The following CD207 variants were observed in gnomAD, a reference collection of about 807,000 sequenced individuals.
CD207 encodes the protein CD207 molecule.
In CD207, 28 loss-of-function variants were observed where a neutral mutation model predicts 31.6. That is an observed-to-expected ratio of 0.89 (90% CI 0.66 to 1.21). The LOEUF is 1.21. Among genes scored for constraint, CD207 ranks in the 50% most tolerant of loss-of-function variants. The pLI is 0.00. For missense variants in CD207, 388 were observed against 397.8 expected, an observed-to-expected ratio of 0.98 and a Z score of 0.21; for synonymous variants, 168 against 153.9, an observed-to-expected ratio of 1.09 and a Z score of -0.68.
chr2:70,824,497 A>G, the CD207 span, among the ~76,000 whole-genome samples: 2 of 152,032 alleles, frequency 1.3e-5, no homozygotes, highest in African/African-American at 4.8e-5. Flanking sequence ...TTCTAACACC[A>G]TTCTCCAAAA....
At chr2:70,833,127 T>C in intron 3 of CD207, 76 bp from the exon 4 acceptor site, 1 of 1,449,498 alleles carries the variant, frequency 6.9e-7, no homozygotes, top group South Asian at 1.2e-5. Context: ...GGCACTTGAA[T>C]GAGGTCTCAG....
Position 70,830,758 on chromosome 2 carries a change from G to A in CD207, c.*292C>T, listed in dbSNP as rs1677445109. On this transcript the variant is annotated 3_prime_UTR_variant, in exon 6 of 6. Coordinates refer to ENST00000410009, the MANE Select transcript of CD207 (RefSeq NM_015717.5). Reference sequence around the variant, plus strand: ...CTGAAAGAGTGGAAAACCCCAGGGTGTTATGCCGGATTACGGGTCTTGATC... The same window carrying A: ...CTGAAAGAGTGGAAAACCCCAGGGTATTATGCCGGATTACGGGTCTTGATC... 7.0e-6 allele frequency: 2 copies of A among 284,502 alleles called. No individual in the cohort carries two copies. 17.6% of individuals were successfully genotyped at this position (284,502 alleles called of 1,614,324 possible).
chr2:70,833,683 G>T lies in CD207; in HGVS notation c.528C>A (p.Gly176=). 1 of 1,613,760 alleles carries T rather than the reference G, an allele frequency of 6.2e-7. No homozygotes were observed. The highest frequency in any genetic ancestry group is 8.5e-7 in the Non-Finnish European group (1 of 1,179,750). Residue 176 remains glycine (G), a synonymous_variant, in exon 3 of 6, where the codon GGC becomes GGA. Coordinates refer to ENST00000410009, the MANE Select transcript of CD207 (RefSeq NM_015717.5). ...GCAACTTGCTCATATTCTCCAAGCT[G>T]CCCTGGAGTGCCCGGATCTTTGTAT... The part of the protein sequence containing the change: ...ALNTKIRALQ[G]SLENMSKLLK...
rs973709836 is a variant in CD207 at position 70,835,440 on chromosome 2, G to A, written c.190+51C>T. 3.9e-5 allele frequency: 52 copies of A among 1,330,930 alleles called. No individual in the cohort carries two copies. In the Middle Eastern group the frequency reaches 9.9e-4, roughly 25 times the overall value. 82.4% of individuals were successfully genotyped at this position (1,330,930 alleles called of 1,614,324 possible). A position where few individuals can be genotyped will look rare whatever the true frequency, so the allele number is the denominator to read the frequency against. ...AAGTGGTCTCGATCTGAAGGGAGCC[G>A]GCTGGCCACAGAGAGGGGCTAAGCC... On this transcript the variant is annotated intron_variant, in intron 2 of 5. Coordinates refer to ENST00000410009, the MANE Select transcript of CD207 (RefSeq NM_015717.5).
downstream of CD207, among the ~76,000 whole-genome samples, chr2:70,828,339 GC>G (rs1315872180): frequency 4.6e-5 from 7 of 151,964 alleles, no homozygotes; most frequent in Admixed American, 2.6e-4. Context: ...ACAAGACAAA[GC>G]AAAGCGACAG....
rs1553400076 is a variant in CD207 at position 70,832,905 on chromosome 2, C to T, written c.712G>A (p.Glu238Lys). The T allele has an allele frequency of 6.2e-7, 1 of 1,613,180 alleles. No individual in the cohort carries two copies. The highest frequency in any genetic ancestry group is 1.3e-5 in the African/African-American group (1 of 75,052). Residue 238 changes from glutamate to lysine, a missense_variant, in exon 4 of 6, where the codon GAG becomes AAG. By Grantham distance (56) the Glu-to-Lys change is moderately conservative. Coordinates refer to ENST00000410009, the MANE Select transcript of CD207 (RefSeq NM_015717.5). ...SHLTSVTSES[E>K]QEFLYKTAGG... Reference sequence around the variant, plus strand: ...CCCATAGGCACAGCACTCACCTGCTCACTCTCTGAGGTCACCGAGGTCAGG... The same window carrying T: ...CCCATAGGCACAGCACTCACCTGCTTACTCTCTGAGGTCACCGAGGTCAGG...
intron 4 of CD207, among the ~76,000 whole-genome samples, chr2:70,832,265 G>A (rs148019813): frequency 4.6e-5 from 7 of 152,332 alleles, no homozygotes; most frequent in African/African-American, 1.7e-4. Context: ...AGTTTGCCCA[G>A]TGAAGTTGGG....
At chr2:70,829,634 T>C (rs1237423104), downstream of CD207, among the ~76,000 whole-genome samples, 1 of 152,194 alleles carries the variant, frequency 6.6e-6, no homozygotes, top group Non-Finnish European at 1.5e-5. Context: ...GTTAGGTCTT[T>C]GGGGCCCTGT....
Position 70,832,930 on chromosome 2 carries a change from G to T in CD207, c.687C>A (p.His229Gln). 1.9e-6 allele frequency: 3 copies of T among 1,613,974 alleles called. No homozygotes were observed. Among genetic ancestry groups the T allele is most frequent in the Non-Finnish European group, 2.5e-6 (3 of 1,179,846 alleles). ...CACTCTCTGAGGTCACCGAGGTCAG[G>T]TGTGAATTCCTGGACACACAGAACT... Reference protein sequence around the residue: ...AEQFCVSRNSHLTSVTSESEQ... With the variant: ...AEQFCVSRNSQLTSVTSESEQ... The change falls in exon 4 of 6, where the codon CAC (histidine) becomes CAA (glutamine). Residue 229 changes from histidine to glutamine, a missense_variant. Transcript: ENST00000410009.
downstream of CD207, among the ~76,000 whole-genome samples, chr2:70,826,345 T>C (rs1266618822): frequency 6.6e-6 from 1 of 150,432 alleles, no homozygotes; most frequent in Non-Finnish European, 1.5e-5. Context: ...CTGGGTCACA[T>C]GACTGCACTT....
intron 3 of CD207, 57 bp from the exon 4 acceptor site, chr2:70,833,108 C>A: frequency 6.4e-7 from 1 of 1,574,754 alleles, no homozygotes. Context: ...GGGATGCTGG[C>A]TTGGTGGGGG....
At chr2:70,832,229 A>G (rs1294634214) in intron 4 of CD207, among the ~76,000 whole-genome samples, 1 of 152,190 alleles carries the variant, frequency 6.6e-6, no homozygotes, top group Non-Finnish European at 1.5e-5. Flanking sequence ...ATCACCATGC[A>G]TGTTTCATCA....
chr2:70,831,877 C>G, intron 4 of CD207, 58 bp from the exon 5 acceptor site: 1 of 1,142,072 alleles, frequency 8.8e-7, no homozygotes, highest in South Asian at 1.2e-5. Context: ...GATCATCTGT[C>G]TCTGGGTGTT....
At chr2:70,828,055 C>A (rs1277018605), downstream of CD207, among the ~76,000 whole-genome samples, 1 of 152,220 alleles carries the variant, frequency 6.6e-6, no homozygotes, top group Non-Finnish European at 1.5e-5. Flanking sequence ...CCCAAGTTGA[C>A]TGAGAAAAAG....
At chr2:70,827,063 G>C (rs11684466), downstream of CD207, among the ~76,000 whole-genome samples, 93,052 of 151,884 alleles carry the variant, frequency 0.61, 28,882 homozygotes, top group Middle Eastern at 0.7. Context: ...CTAGACTGGA[G>C]TTCTCTTGGT....
Position 70,835,743 on chromosome 2 carries a change from A to G in CD207, c.34T>C (p.Phe12Leu). Reference sequence around the variant, plus strand: ...GAGATGTTCTGTTTGTCCACAGTGAAGTGCGCATCAGGGGCCTCCTTCTCC... The same window carrying G: ...GAGATGTTCTGTTTGTCCACAGTGAGGTGCGCATCAGGGGCCTCCTTCTCC... ...TVEKEAPDAH[F>L]TVDKQNISLW... Residue 12 changes from phenylalanine (F) to leucine (L), a missense_variant, in exon 1 of 6, where the codon TTC becomes CTC. Coordinates refer to ENST00000410009, the MANE Select transcript of CD207 (RefSeq NM_015717.5). The G allele has an allele frequency of 6.2e-7, 1 of 1,613,136 alleles. No homozygotes were observed. The highest frequency in any genetic ancestry group is 8.5e-7 in the Non-Finnish European group (1 of 1,179,614).
At chr2:70,825,492 A>G (rs1677321728), downstream of CD207, among the ~76,000 whole-genome samples, 1 of 152,222 alleles carries the variant, frequency 6.6e-6, no homozygotes, top group Admixed American at 6.5e-5. Flanking sequence ...TCTCTGTATT[A>G]TCTTCACAAT....
chr2:70,830,905 C>T lies in CD207; in HGVS notation c.*145G>A, dbSNP rs190774979. 114 of 682,010 alleles carry T rather than the reference C, an allele frequency of 1.7e-4. No homozygotes were observed. The highest frequency in any genetic ancestry group is 1.5e-3 in the East Asian group (53 of 35,628). 42.2% of individuals were successfully genotyped at this position (682,010 alleles called of 1,614,324 possible). A position where few individuals can be genotyped will look rare whatever the true frequency, so the allele number is the denominator to read the frequency against. ...TCAGAGAATTTCCAGCCAAGACAGA[C>T]GGACTCCAGAATGCCACTGTGGGAC... is the stretch of plus-strand genomic sequence containing the variant. On this transcript the variant is annotated 3_prime_UTR_variant, in exon 6 of 6. Transcript: ENST00000410009.
chr2:70,826,313 G>A (rs1339466798), downstream of CD207, among the ~76,000 whole-genome samples: 1 of 152,048 alleles, frequency 6.6e-6, no homozygotes, highest in African/African-American at 2.4e-5. Context: ...GGTCTCACAT[G>A]GTTGAATCTG....
Sources: gnomAD v4.1 joint callset for allele counts (sites outside exome capture counted in the v4.1 genomes callset) on GRCh38, gnomAD v4.1.1 for gene constraint, MANE v1.5 for transcripts, NCBI Gene and HGNC (gene_info 2026-07-23, HGNC 2026-07-21) for gene names.